The following SP4 variants were observed in gnomAD, a reference collection of about 807,000 sequenced individuals.
SP4 encodes the protein transcription factor Sp4.
SP4 carries 19 observed loss-of-function variants against 72.8 expected under a neutral mutation model. That is an observed-to-expected ratio of 0.26 (90% CI 0.18 to 0.38). The LOEUF (loss-of-function observed/expected upper bound fraction) is 0.38. SP4 is among the 10% of genes least tolerant of loss of function. The pLI is 1.00. For missense variants in SP4, 1,008 were observed against 926.3 expected, an observed-to-expected ratio of 1.09 and a Z score of -1.14; for synonymous variants, 395 against 333.1, an observed-to-expected ratio of 1.19 and a Z score of -2.02.
At chr7:21,482,870 T>C in intron 5 of SP4, 2 of 404,146 alleles carry the variant, frequency 4.9e-6, no homozygotes, top group Non-Finnish European at 6.7e-6. Context: ...CTATATAATA[T>C]TTTATCACAT....
At chr7:21,446,484 C>T (rs537785862) in intron 3 of SP4, among the ~76,000 whole-genome samples, 2 of 151,510 alleles carry the variant, frequency 1.3e-5, no homozygotes, top group Non-Finnish European at 2.9e-5. Flanking sequence ...AGCAGTTTGT[C>T]TCTGCCATTA....
At chr7:21,436,619 CAG>C (rs1783058820) in intron 3 of SP4, among the ~76,000 whole-genome samples, 1 of 152,176 alleles carries the variant, frequency 6.6e-6, no homozygotes, top group Non-Finnish European at 1.5e-5. Context: ...GGCCTAATAT[CAG>C]AGTGTACACA....
intron 3 of SP4, among the ~76,000 whole-genome samples, chr7:21,469,262 A>C (rs1049211975): frequency 1.3e-5 from 2 of 152,188 alleles, no homozygotes; most frequent in African/African-American, 4.8e-5. Context: ...TTTATATAGT[A>C]AAGTTGTATC....
At chr7:21,462,298 T>C (rs1038449916) in intron 3 of SP4, among the ~76,000 whole-genome samples, 10 of 152,122 alleles carry the variant, frequency 6.6e-5, no homozygotes, top group African/African-American at 2.4e-4. Context: ...ACCATAGTAT[T>C]GACTCAGATA....
At chr7:21,456,074 C>T (rs535601957) in intron 3 of SP4, among the ~76,000 whole-genome samples, 1 of 152,272 alleles carries the variant, frequency 6.6e-6, no homozygotes, top group East Asian at 1.9e-4. Context: ...CCTTCATATG[C>T]TTGCAAAAAC....
intron 5 of SP4, among the ~76,000 whole-genome samples, chr7:21,502,238 A>C (rs1434753228): frequency 1.3e-5 from 2 of 152,080 alleles, no homozygotes; most frequent in African/African-American, 4.8e-5. Flanking sequence ...TTTTTCCCAC[A>C]GTACCACCAG....
chr7:21,506,074 C>T (rs982001107), intron 5 of SP4, among the ~76,000 whole-genome samples: 1 of 152,188 alleles, frequency 6.6e-6, no homozygotes, highest in African/African-American at 2.4e-5. Context: ...CAGGTCTCGA[C>T]ACAGGAGGTT....
intron 3 of SP4, among the ~76,000 whole-genome samples, chr7:21,454,166 T>C (rs1376126361): frequency 6.6e-6 from 1 of 152,194 alleles, no homozygotes; most frequent in African/African-American, 2.4e-5. Context: ...GACAGAAGTG[T>C]AGATAAGGTC....
intron 3 of SP4, among the ~76,000 whole-genome samples, chr7:21,448,550 A>T (rs555772862): frequency 9.2e-5 from 14 of 152,308 alleles, no homozygotes; most frequent in Non-Finnish European, 1.5e-4. Flanking sequence ...TCTTTTAGTT[A>T]CTGTCTGTGA....
At chr7:21,432,147 AATTTT>A (rs1269158671) in intron 3 of SP4, among the ~76,000 whole-genome samples, 8 of 152,152 alleles carry the variant, frequency 5.3e-5, no homozygotes, top group Non-Finnish European at 1.0e-4. Context: ...CTGAATTTTA[AATTTT>A]ATTTAATTTT....
At chr7:21,457,365 C>T (rs914058942) in intron 3 of SP4, among the ~76,000 whole-genome samples, 1 of 152,056 alleles carries the variant, frequency 6.6e-6, no homozygotes, top group Admixed American at 6.5e-5. Context: ...GTTATACTAC[C>T]TCTGACACTT....
At chr7:21,471,910 T>C (rs758601362) in intron 3 of SP4, among the ~76,000 whole-genome samples, 1 of 152,210 alleles carries the variant, frequency 6.6e-6, no homozygotes, top group Non-Finnish European at 1.5e-5. Context: ...TCCAGTAAAG[T>C]GCCTTACCAC....
At chr7:21,434,268 A>G (rs1199082662) in intron 3 of SP4, among the ~76,000 whole-genome samples, 2 of 152,214 alleles carry the variant, frequency 1.3e-5, no homozygotes, top group Non-Finnish European at 2.9e-5. Flanking sequence ...ACCATCCACT[A>G]TTCTCATTTT....
chr7:21,432,281 C>T (rs1281331153), intron 3 of SP4, among the ~76,000 whole-genome samples: 1 of 152,202 alleles, frequency 6.6e-6, no homozygotes, highest in Non-Finnish European at 1.5e-5. Flanking sequence ...CTCTGGATTA[C>T]AATCCTTAAC....
In SP4 at chr7:21,511,310, T is replaced by C. The variant is rs1369477123; in HGVS notation, c.*41T>C. 4 of 1,580,322 alleles carry C rather than the reference T, an allele frequency of 2.5e-6. No homozygotes were observed. Among genetic ancestry groups the C allele is most frequent in the Admixed American group, 1.7e-5 (1 of 57,406 alleles). ...AGAGACCTCTAGTGCTGCACTTGTTTACACACCTTTGAAAATCTGGAAATG... is the reference window on the plus strand; with the variant it reads ...AGAGACCTCTAGTGCTGCACTTGTTCACACACCTTTGAAAATCTGGAAATG... On this transcript the variant is annotated 3_prime_UTR_variant, in exon 6 of 6. Coordinates refer to ENST00000222584, the MANE Select transcript of SP4 (RefSeq NM_003112.5).
intron 3 of SP4, among the ~76,000 whole-genome samples, chr7:21,439,290 C>G (rs115370889): frequency 0.01 from 1,509 of 149,822 alleles, 34 homozygotes; most frequent in African/African-American, 0.036. Context: ...TGTCAGTTTT[C>G]CCTACAGAGC....
chr7:21,462,511 C>A (rs909158683), intron 3 of SP4, among the ~76,000 whole-genome samples: 7 of 152,042 alleles, frequency 4.6e-5, no homozygotes, highest in African/African-American at 1.7e-4. Context: ...AGTGATGAAC[C>A]TGAATTTTGA....
Position 21,477,283 on chromosome 7 carries a change from C to T in SP4, c.1883C>T (p.Pro628Leu), listed in dbSNP as rs150009151. 1 of 1,613,044 alleles carries T rather than the reference C, an allele frequency of 6.2e-7. No homozygotes were observed. Among genetic ancestry groups the T allele is most frequent in the Non-Finnish European group, 8.5e-7 (1 of 1,179,118 alleles). Residue 628 changes from proline (P) to leucine (L), a missense_variant, in exon 4 of 6, where the codon CCT becomes CTT. By Grantham distance (98) the Pro-to-Leu change is moderately conservative. Coordinates refer to ENST00000222584, the MANE Select transcript of SP4 (RefSeq NM_003112.5). ...CTTCGAAGAGTTGCCTGTTCCTGTC[C>T]TAATTGTAGGGAAGGAGAAGGAAGG... ...KRLRRVACSC[P>L]NCREGEGRGS...
chr7:21,434,153 T>A (rs1782969095), intron 3 of SP4, among the ~76,000 whole-genome samples: 1 of 152,152 alleles, frequency 6.6e-6, no homozygotes. Context: ...TATTGTTTAA[T>A]TTGTGGGGAA....
Sources: allele counts gnomAD v4.1 joint callset (sites outside exome capture counted in the v4.1 genomes callset), GRCh38; gene constraint gnomAD v4.1.1; transcripts MANE v1.5; gene names NCBI Gene and HGNC (gene_info 2026-07-23, HGNC 2026-07-21).